The following SPATA6 variants were observed in gnomAD, a reference collection of about 807,000 sequenced individuals.
The protein encoded by SPATA6 is spermatogenesis associated 6, also known as spermatogenesis-associated protein 6.
A neutral mutation model predicts 65.3 loss-of-function variants in SPATA6; 56 were observed. That is an observed-to-expected ratio of 0.86 (90% CI 0.69 to 1.07). The LOEUF is 1.07. Among genes scored for constraint, SPATA6 ranks in the 50% least tolerant of loss-of-function variants. The probability of loss-of-function intolerance (pLI) is 0.00; values close to 1 mark genes in which losing one functional copy is unlikely to be tolerated. For synonymous variants in SPATA6, 199 were observed against 213.2 expected (o/e 0.93, Z 0.58); for missense variants, 590 against 594.8 (o/e 0.99, Z 0.08).
chr1:48,302,887 A>G (rs1299133228), intron 12 of SPATA6, among the ~76,000 whole-genome samples: 1 of 151,984 alleles, frequency 6.6e-6, no homozygotes, highest in Non-Finnish European at 1.5e-5. Context: ...GCCAAGTAGT[A>G]TTAAAACTTC....
chr1:48,439,345 G>A (rs912352727), intron 3 of SPATA6, among the ~76,000 whole-genome samples: 3 of 152,292 alleles, frequency 2.0e-5, no homozygotes, highest in East Asian at 1.9e-4. Context: ...GATGCTGAGC[G>A]CAACTTTTCC....
the SPATA6 span, among the ~76,000 whole-genome samples, chr1:48,274,590 A>C: frequency 6.6e-6 from 1 of 152,150 alleles, no homozygotes; most frequent in Non-Finnish European, 1.5e-5. Context: ...CCATTTATTA[A>C]ATAGGAAATC....
At chr1:48,439,663 C>G (rs1025856222) in intron 3 of SPATA6, among the ~76,000 whole-genome samples, 3 of 151,970 alleles carry the variant, frequency 2.0e-5, no homozygotes, top group Non-Finnish European at 2.9e-5. Context: ...CCAAAACCAC[C>G]GGCGTTTTTT....
At chr1:48,456,258 A>G (rs1656990948) in intron 1 of SPATA6, among the ~76,000 whole-genome samples, 1 of 152,232 alleles carries the variant, frequency 6.6e-6, no homozygotes, top group Admixed American at 6.5e-5. Flanking sequence ...GCCACTCTTT[A>G]GGAGAACATA....
chr1:48,274,483 T>C, the SPATA6 span, among the ~76,000 whole-genome samples: 5 of 152,200 alleles, frequency 3.3e-5, no homozygotes, highest in Non-Finnish European at 7.3e-5. Context: ...GGTCTTACTT[T>C]TAAGTCTTTA....
At chr1:48,383,459 G>A (rs1429861287) in intron 9 of SPATA6, among the ~76,000 whole-genome samples, 1 of 32,058 alleles carries the variant, frequency 3.1e-5, no homozygotes, top group Non-Finnish European at 7.1e-5. Context: ...CGGACGGGGC[G>A]GCTGGCCGGC....
At chr1:48,403,995 C>T (rs763047347) in intron 5 of SPATA6, 113 bp from the exon 6 acceptor site, 144 of 708,496 alleles carry the variant, frequency 2.0e-4, no homozygotes, top group Non-Finnish European at 2.8e-4. Flanking sequence ...AGCTGTTTCA[C>T]TGTTAGTTTG....
intron 11 of SPATA6, among the ~76,000 whole-genome samples, chr1:48,319,180 T>A (rs576816855): frequency 6.6e-6 from 1 of 152,286 alleles, no homozygotes; most frequent in East Asian, 1.9e-4. Flanking sequence ...AACATAGGCA[T>A]AAATTTTTAT....
At chr1:48,426,379 A>C (rs566169160) in intron 3 of SPATA6, among the ~76,000 whole-genome samples, 7 of 152,218 alleles carry the variant, frequency 4.6e-5, no homozygotes, top group Non-Finnish European at 8.8e-5. Context: ...CTGGTAGCCC[A>C]TAAGAACTAC....
At chr1:48,470,124 G>A (rs1658122612) in intron 1 of SPATA6, among the ~76,000 whole-genome samples, 1 of 152,126 alleles carries the variant, frequency 6.6e-6, no homozygotes, top group South Asian at 2.1e-4. Context: ...GTTATACAGT[G>A]AATTACACAG....
At chr1:48,324,991 G>T (rs1645713771) in intron 11 of SPATA6, 1 of 205,858 alleles carries the variant, frequency 4.9e-6, no homozygotes, top group Non-Finnish European at 1.0e-5. Flanking sequence ...TGCACACATG[G>T]AAAGTTTTTC....
chr1:48,350,635 A>C (rs1646491040), intron 11 of SPATA6, among the ~76,000 whole-genome samples: 2 of 151,996 alleles, frequency 1.3e-5, no homozygotes, highest in Admixed American at 6.6e-5. Flanking sequence ...TAACAAAAAC[A>C]AAGTCGACAT....
intron 11 of SPATA6, among the ~76,000 whole-genome samples, chr1:48,324,702 A>G (rs1045399797): frequency 6.6e-6 from 1 of 152,194 alleles, no homozygotes; most frequent in African/African-American, 2.4e-5. Context: ...CCTCAACACA[A>G]TAAAAGCCAT....
intron 3 of SPATA6, chr1:48,436,685 A>G: frequency 6.2e-7 from 1 of 1,614,220 alleles, no homozygotes; most frequent in Non-Finnish European, 8.5e-7. Context: ...CTACTGAGAC[A>G]GGATTTACAT....
At chr1:48,284,624 T>A in the SPATA6 span, among the ~76,000 whole-genome samples, 2 of 152,236 alleles carry the variant, frequency 1.3e-5, no homozygotes, top group Admixed American at 1.3e-4. Context: ...TGTGTGGACA[T>A]CCTTTTTGTT....
At chr1:48,288,963 T>G in the SPATA6 span, among the ~76,000 whole-genome samples, 1 of 152,244 alleles carries the variant, frequency 6.6e-6, no homozygotes, top group Non-Finnish European at 1.5e-5. Flanking sequence ...TCTGCAGACT[T>G]AAATGTCCCT....
chr1:48,374,083 C>T (rs371229969), intron 9 of SPATA6, among the ~76,000 whole-genome samples: 37 of 152,152 alleles, frequency 2.4e-4, no homozygotes, highest in East Asian at 7.7e-4. Flanking sequence ...TGTGTATAGC[C>T]GATAAGTAAG....
chr1:48,377,231 C>T (rs1159825595), intron 9 of SPATA6, among the ~76,000 whole-genome samples: 5 of 152,108 alleles, frequency 3.3e-5, no homozygotes, highest in South Asian at 2.1e-4. Context: ...TGTCACCTTG[C>T]TATTTAAAAT....
intron 9 of SPATA6, among the ~76,000 whole-genome samples, chr1:48,384,305 C>T (rs1483414126): frequency 1.1e-4 from 11 of 98,180 alleles, no homozygotes; most frequent in African/African-American, 3.6e-4. Flanking sequence ...AGCCTTGGCT[C>T]GGCATCAGAG....
Sources: gnomAD v4.1 joint callset for allele counts (sites outside exome capture counted in the v4.1 genomes callset) on GRCh38, gnomAD v4.1.1 for gene constraint, MANE v1.5 for transcripts, NCBI Gene and HGNC (gene_info 2026-07-23, HGNC 2026-07-21) for gene names.